The following SALL3 variants were observed in gnomAD, a reference collection of about 807,000 sequenced individuals.
SALL3 encodes sal-like protein 3.
Under a neutral mutation model 66.2 loss-of-function variants are expected in SALL3, and 25 were observed. The ratio of observed to expected loss-of-function variants is 0.38; its 90% CI spans 0.28 to 0.53. The LOEUF is 0.53. Ranked by LOEUF, SALL3 falls within the 20% of genes least tolerant of loss-of-function variation. SALL3 has a pLI of 0.85. For synonymous variants in SALL3, 1,152 were observed against 899.1 expected, an observed-to-expected ratio of 1.28 and a Z score of -5.03; for missense variants, 2,194 against 1,916.5, an observed-to-expected ratio of 1.14 and a Z score of -2.70.
intron 1 of SALL3, among the ~76,000 whole-genome samples, chr18:78,986,280 T>C (rs980122174): frequency 1.3e-5 from 2 of 152,184 alleles, no homozygotes; most frequent in Admixed American, 6.5e-5. Flanking sequence ...TGGTCGTGAC[T>C]TAACAAATTT....
At chr18:78,981,036 G>T (rs1166519647) in intron 1 of SALL3, among the ~76,000 whole-genome samples, 1 of 152,184 alleles carries the variant, frequency 6.6e-6, no homozygotes. Flanking sequence ...GTCTGCGCGG[G>T]CCTTTTCTCT....
Position 78,995,371 on chromosome 18 carries a change from C to T in SALL3, c.3380C>T (p.Ala1127Val). Residue 1127 changes from alanine (A) to valine (V), a missense_variant, in exon 2 of 3, where the codon GCC becomes GTC. By Grantham distance (64) the Ala-to-Val change is moderately conservative. Coordinates refer to ENST00000537592, the MANE Select transcript of SALL3 (RefSeq NM_171999.4). ...SCGKTFSSASALQIHERTHTG... is the reference protein window; with the variant it reads ...SCGKTFSSASVLQIHERTHTG... ...GGGAAGACCTTCTCCTCGGCCAGCG[C>T]CCTGCAGATCCATGAGCGCACGCAC... The T allele has an allele frequency of 6.3e-7, 1 of 1,582,256 alleles. No homozygotes were observed. Among genetic ancestry groups the T allele is most frequent in the Non-Finnish European group, 8.5e-7 (1 of 1,172,122 alleles).
rs139689224 is a variant in SALL3 at position 78,993,492 on chromosome 18, A to G, written c.1501A>G (p.Met501Val). ...CACCTGCTCGGGCATCCCCTACGGC[A>G]TGTCGCTGCCCCCCGAGAAGCCCGT... ...VPTCSGIPYG[M>V]SLPPEKPVTT... The change falls in exon 2 of 3, where the codon ATG (methionine) becomes GTG (valine). Residue 501 changes from methionine to valine, a missense_variant. Transcript: ENST00000537592. 1.9e-6 allele frequency: 3 copies of G among 1,609,614 alleles called. No homozygotes were observed. Among genetic ancestry groups the G allele is most frequent in the African/African-American group, 2.7e-5 (2 of 74,716 alleles).
rs1263360088 is a variant in SALL3, at chr18:78,980,351, A to C, written c.77A>C (p.Glu26Ala). ...EELLPPDGAP[E>A]HAAPGEGAED... ...CTGCTGCCGCCTGACGGGGCTCCCG[A>C]GCACGGTGAGGGCCGGGGCTGCGGG... Residue 26 changes from glutamate to alanine, a missense_variant, in exon 1 of 3, where the codon GAG becomes GCG. Physicochemically the swap from Glu to Ala is moderately radical, Grantham distance 107. Coordinates refer to ENST00000537592, the MANE Select transcript of SALL3 (RefSeq NM_171999.4). 1 of 1,436,698 alleles carries C rather than the reference A, an allele frequency of 7.0e-7. No individual in the cohort carries two copies. The highest frequency in any genetic ancestry group is 9.2e-7 in the Non-Finnish European group (1 of 1,089,242). 89.0% of individuals were successfully genotyped at this position (1,436,698 alleles called of 1,614,324 possible).
chr18:78,993,250 A>G lies in SALL3; in HGVS notation c.1259A>G (p.His420Arg), dbSNP rs759903148. 1.9e-6 allele frequency: 3 copies of G among 1,610,896 alleles called. No individual in the cohort carries two copies. Among genetic ancestry groups the G allele is most frequent in the Admixed American group, 1.7e-5 (1 of 59,970 alleles). ...KASAEDPFFKHKCRFCAKVFG... is the reference protein window; with the variant it reads ...KASAEDPFFKRKCRFCAKVFG... ...AGCGCCGAGGACCCGTTCTTCAAGC[A>G]CAAATGCCGCTTCTGCGCCAAGGTC... Residue 420 changes from histidine (H) to arginine (R), a missense_variant, in exon 2 of 3, where the codon CAC becomes CGC. Coordinates refer to ENST00000537592, the MANE Select transcript of SALL3 (RefSeq NM_171999.4).
chr18:78,986,130 T>A (rs1207719836), intron 1 of SALL3, among the ~76,000 whole-genome samples: 3 of 152,234 alleles, frequency 2.0e-5, no homozygotes, highest in African/African-American at 7.2e-5. Flanking sequence ...GGGCAGATAG[T>A]TAAAGCAAAT....
At chr18:78,982,966 C>T (rs1430411071) in intron 1 of SALL3, among the ~76,000 whole-genome samples, 1 of 152,152 alleles carries the variant, frequency 6.6e-6, no homozygotes, top group Non-Finnish European at 1.5e-5. Context: ...AAGCCTGTAT[C>T]TCTTAAAAAA....
chr18:78,989,572 A>G (rs1322632849), intron 1 of SALL3, among the ~76,000 whole-genome samples: 2 of 152,230 alleles, frequency 1.3e-5, no homozygotes, highest in African/African-American at 2.4e-5. Context: ...TCCCTAATAC[A>G]CATTCCCTAT....
In SALL3 at chr18:78,980,251, C is replaced by A; in HGVS notation, c.-24C>A. On this transcript the variant is annotated 5_prime_UTR_variant, in exon 1 of 3. Transcript: ENST00000537592. ...GCCCCGCTGATGCCGCTGCCCCGCG[C>A]GGGGCCCGAGCGCCGCTAGCAGCAT... 1.7e-6 allele frequency: 2 copies of A among 1,211,808 alleles called. No homozygotes were observed. Among genetic ancestry groups the A allele is most frequent in the Non-Finnish European group, 2.1e-6 (2 of 956,710 alleles). The allele number at this position is 1,211,808 out of a possible 1,614,324, so 75.1% of individuals were successfully genotyped here.
chr18:78,991,902 A>G, intron 1 of SALL3, 172 bp from the exon 2 acceptor site: 1 of 494,890 alleles, frequency 2.0e-6, no homozygotes, highest in Non-Finnish European at 3.4e-6. Context: ...GGATTGGGCT[A>G]AGAAAATGAT....
At position 78,992,930 on chromosome 18, in the gene SALL3, C is replaced by G; in HGVS notation, c.939C>G (p.Ala313=). The G allele has an allele frequency of 9.8e-7, 1 of 1,019,788 alleles. No homozygotes were observed. Among genetic ancestry groups the G allele is most frequent in the Non-Finnish European group, 1.2e-6 (1 of 853,460 alleles). 63.2% of individuals were successfully genotyped at this position (1,019,788 alleles called of 1,614,324 possible). A position where few individuals can be genotyped will look rare whatever the true frequency, so the allele number is the denominator to read the frequency against. ...CTGCGGAGCCCAGCGCGCCCGCCGC[C>G]CCCAGCGCCGCCCCTGCCCCCGCTG... ...GGPAEPSAPA[A]PSAAPAPAAP... Residue 313 remains alanine (A), a synonymous_variant, in exon 2 of 3, where the codon GCC becomes GCG. Transcript: ENST00000537592.
rs766510581 is a variant in SALL3 at position 78,994,592 on chromosome 18, C to T, written c.2601C>T (p.Asn867=). The change falls in exon 2 of 3, where the codon AAC becomes AAT. Residue 867 remains asparagine, a synonymous_variant. Coordinates refer to ENST00000537592, the MANE Select transcript of SALL3 (RefSeq NM_171999.4). ...TGACCGGCCTCAAGTCCGTGGAGAA[C>T]GGGTCCGGGGAGAGTGACCGCCTGA... ...QQLTGLKSVE[N]GSGESDRLSN... The T allele has an allele frequency of 2.5e-6, 4 of 1,610,748 alleles. No individual in the cohort carries two copies. Among genetic ancestry groups the T allele is most frequent in the African/African-American group, 1.3e-5 (1 of 74,868 alleles).
rs779491251 is a variant in SALL3, at chr18:78,992,738, C to G, written c.747C>G (p.Ser249Arg). 3 of 1,270,052 alleles carry G rather than the reference C, an allele frequency of 2.4e-6. No individual in the cohort carries two copies. Among genetic ancestry groups the G allele is most frequent in the East Asian group, 4.1e-5 (1 of 24,386 alleles). The allele number at this position is 1,270,052 out of a possible 1,614,324, so 78.7% of individuals were successfully genotyped here. ...CACTCAGCCCCGCGGCCGCCCCGAG[C>G]GCACCGGGCCCGGCCCCCAGCCAGC... ...RPSLSPAAAP[S>R]APGPAPSQLP... is the part of the protein sequence containing the mutation. Residue 249 changes from serine to arginine, a missense_variant, in exon 2 of 3, where the codon AGC becomes AGG. Coordinates refer to ENST00000537592, the MANE Select transcript of SALL3 (RefSeq NM_171999.4).
At chr18:78,987,773 A>G (rs1914296486) in intron 1 of SALL3, among the ~76,000 whole-genome samples, 1 of 152,138 alleles carries the variant, frequency 6.6e-6, no homozygotes, top group African/African-American at 2.4e-5. Context: ...CTCATTCACC[A>G]AGAAGGGAAG....
chr18:78,994,735 T>C lies in SALL3; in HGVS notation c.2744T>C (p.Phe915Ser), dbSNP rs754645954. The change falls in exon 2 of 3, where the codon TTC becomes TCC. Residue 915 changes from phenylalanine to serine, a missense_variant. By Grantham distance (155) the Phe-to-Ser change is radical. Transcript: ENST00000537592. Reference sequence around the variant, plus strand: ...CCGGCCCCCAGCAATGGTGAGAGCTTCCGCTCCAAGTCCCCGGGCCTGGGC... The same window carrying C: ...CCGGCCCCCAGCAATGGTGAGAGCTCCCGCTCCAAGTCCCCGGGCCTGGGC... ...LSPAPSNGESFRSKSPGLGAP... is the reference protein window; with the variant it reads ...LSPAPSNGESSRSKSPGLGAP... 1.2e-6 allele frequency: 2 copies of C among 1,603,052 alleles called. No individual in the cohort carries two copies. The highest frequency in any genetic ancestry group is 1.7e-6 in the Non-Finnish European group (2 of 1,179,168).
At chr18:78,985,001 C>T (rs952436565) in intron 1 of SALL3, 4 of 152,234 alleles carry the variant, frequency 2.6e-5, no homozygotes, top group Non-Finnish European at 5.9e-5. Flanking sequence ...CGCAGAAAGC[C>T]TTTTTGTCTG....
intron 1 of SALL3, among the ~76,000 whole-genome samples, chr18:78,984,716 G>A (rs1250176009): frequency 3.3e-5 from 5 of 152,056 alleles, no homozygotes; most frequent in African/African-American, 9.7e-5. Flanking sequence ...AGCAAACCAG[G>A]CCAGTCACAT....
Position 78,993,602 on chromosome 18 carries a change from G to T in SALL3, c.1611G>T (p.Ala537=). The change falls in exon 2 of 3, where the codon GCG becomes GCT. Residue 537 remains alanine (A), a synonymous_variant. Coordinates refer to ENST00000537592, the MANE Select transcript of SALL3 (RefSeq NM_171999.4). ...AACTGCCGCCCACTGTCCCTGGCGC[G>T]CACGGCTACGCCGACTCTCCCAGCG... The part of the protein sequence containing the change: ...GLQLPPTVPG[A]HGYADSPSAT... The T allele has an allele frequency of 6.3e-7, 1 of 1,584,732 alleles. No homozygotes were observed. The highest frequency in any genetic ancestry group is 8.5e-7 in the Non-Finnish European group (1 of 1,172,616).
intron 1 of SALL3, among the ~76,000 whole-genome samples, chr18:78,986,337 C>T (rs1914245228): frequency 6.6e-6 from 1 of 152,160 alleles, no homozygotes; most frequent in African/African-American, 2.4e-5. Context: ...TGGTCAGAGC[C>T]GCGTTGAGCA....
Sources: allele counts gnomAD v4.1 joint callset (sites outside exome capture counted in the v4.1 genomes callset), GRCh38; gene constraint gnomAD v4.1.1; transcripts MANE v1.5; gene names NCBI Gene and HGNC (gene_info 2026-07-23, HGNC 2026-07-21).